Variants in CD163L1 observed in about 807,000 individuals in gnomAD.
CD163L1 encodes CD163 molecule like 1.
A neutral mutation model predicts 165.4 loss-of-function variants in CD163L1; 124 were observed. The ratio of observed to expected loss-of-function variants is 0.75; its 90% CI spans 0.65 to 0.87. The LOEUF is 0.87. Ranked by LOEUF, CD163L1 falls within the 40% of genes least tolerant of loss-of-function variation. CD163L1 has a pLI of 0.00. For synonymous variants in CD163L1, 585 were observed against 662.2 expected, an observed-to-expected ratio of 0.88 and a Z score of 1.79; for missense variants, 1,525 against 1,799.9, an observed-to-expected ratio of 0.85 and a Z score of 2.76.
chr12:7,397,837 T>C (rs1006740963), intron 7 of CD163L1, among the ~76,000 whole-genome samples: 4 of 152,126 alleles, frequency 2.6e-5, no homozygotes, highest in African/African-American at 9.7e-5. Flanking sequence ...ATTAAGGATG[T>C]GAGATAATGC....
the CD163L1 span, among the ~76,000 whole-genome samples, chr12:7,335,301 C>T: frequency 6.6e-6 from 1 of 152,054 alleles, no homozygotes; most frequent in Non-Finnish European, 1.5e-5. Flanking sequence ...GATATATAGA[C>T]CAATGGAACA....
intron 18 of CD163L1, among the ~76,000 whole-genome samples, chr12:7,358,694 C>T (rs972897764): frequency 6.6e-6 from 1 of 152,014 alleles, no homozygotes; most frequent in Non-Finnish European, 1.5e-5. Flanking sequence ...TGACTTTCTA[C>T]AAAATAATTA....
chr12:7,409,958 C>T (rs1370464233), intron 4 of CD163L1, among the ~76,000 whole-genome samples: 2 of 151,944 alleles, frequency 1.3e-5, no homozygotes, highest in Non-Finnish European at 2.9e-5. Context: ...GTGTGAATTA[C>T]CAGAAATAGA....
At chr12:7,439,359 T>G in intron 2 of CD163L1, 2 of 1,599,496 alleles carry the variant, frequency 1.3e-6, no homozygotes, top group East Asian at 4.5e-5. Flanking sequence ...TTTGGACTCC[T>G]TTAGTTCTTC....
intron 4 of CD163L1, among the ~76,000 whole-genome samples, chr12:7,407,652 C>T (rs147957205): frequency 0.012 from 1,834 of 150,944 alleles, 43 homozygotes; most frequent in African/African-American, 0.042. Context: ...TATATATATA[C>T]ACACACACAC....
At chr12:7,399,389 T>C (rs1394434712) in intron 6 of CD163L1, among the ~76,000 whole-genome samples, 1 of 25,848 alleles carries the variant, frequency 3.9e-5, no homozygotes, top group Non-Finnish European at 9.0e-5. Context: ...ACTTCTTTCT[T>C]TTTCTTTCTT....
chr12:7,386,617 A>G (rs113813202), intron 8 of CD163L1, among the ~76,000 whole-genome samples: 2 of 151,680 alleles, frequency 1.3e-5, no homozygotes, highest in Admixed American at 1.3e-4. Flanking sequence ...AAAAAAAAAA[A>G]AAAACAGTAT....
chr12:7,440,631 T>C, intron 2 of CD163L1, among the ~76,000 whole-genome samples: 1 of 1,222 alleles, frequency 8.2e-4, no homozygotes, highest in South Asian at 0.062. Flanking sequence ...TCTTTTTTCT[T>C]TTTTTTTTTT....
At chr12:7,361,702 T>G (rs890742397) in intron 18 of CD163L1, among the ~76,000 whole-genome samples, 13 of 152,156 alleles carry the variant, frequency 8.5e-5, no homozygotes, top group Middle Eastern at 3.2e-3. Context: ...AACAGAAAAT[T>G]TACCATCACG....
chr12:7,357,456 G>A lies in CD163L1; in HGVS notation c.4310C>T (p.Ala1437Val), dbSNP rs149438534. The stretch of plus-strand genomic sequence containing the variant: ...AACTCCCAACAGCGATGTGTCGCTA[G>A]CATCTTCACAACCATGGTTGGGGGT... ...DDTPNHGCED[A>V]SDTSLLGVLP... is the part of the protein sequence containing the mutation. Residue 1437 changes from alanine (A) to valine (V), a missense_variant, in exon 19 of 20, where the codon GCT becomes GTT. Physicochemically the swap from Ala to Val is moderately conservative, Grantham distance 64. Coordinates refer to ENST00000313599, the MANE Select transcript of CD163L1 (RefSeq NM_174941.6). The A allele has an allele frequency of 2.5e-6, 4 of 1,612,560 alleles. No individual in the cohort carries two copies. Among genetic ancestry groups the A allele is most frequent in the African/African-American group, 1.3e-5 (1 of 74,840 alleles).
At chr12:7,338,182 G>GC in the CD163L1 span, among the ~76,000 whole-genome samples, 1 of 152,112 alleles carries the variant, frequency 6.6e-6, no homozygotes, top group African/African-American at 2.4e-5. Context: ...AAGGGCAAGG[G>GC]GAGGAATAGC....
downstream of CD163L1, among the ~76,000 whole-genome samples, chr12:7,345,148 G>C (rs1312346943): frequency 9.2e-6 from 1 of 108,184 alleles, no homozygotes; most frequent in South Asian, 2.8e-4. Context: ...TTTTTTTTTT[G>C]CTCCACCACA....
intron 18 of CD163L1, among the ~76,000 whole-genome samples, chr12:7,366,917 G>A (rs1247780330): frequency 6.6e-6 from 1 of 152,098 alleles, no homozygotes; most frequent in Non-Finnish European, 1.5e-5. Flanking sequence ...ATTGTTTATT[G>A]GGTTTGTAAT....
intron 8 of CD163L1, among the ~76,000 whole-genome samples, chr12:7,382,977 T>C (rs1435959254): frequency 6.6e-6 from 1 of 152,112 alleles, no homozygotes; most frequent in Non-Finnish European, 1.5e-5. Flanking sequence ...TCCCCCATGA[T>C]AAAGAGAGCT....
chr12:7,441,087 G>T, intron 2 of CD163L1, 67 bp downstream of exon 2: 1 of 1,064,132 alleles, frequency 9.4e-7, no homozygotes, highest in Non-Finnish European at 1.5e-6. Context: ...TGCACTTAGG[G>T]TAGTGAGTAG....
chr12:7,437,381 AACGTGCAAG>A (rs776699261), intron 2 of CD163L1, among the ~76,000 whole-genome samples: 361 of 145,984 alleles, frequency 2.5e-3, no homozygotes, highest in African/African-American at 8.5e-3. Context: ...ACATGTGCAC[AACGTGCAAG>A]TTTGTTACAT....
intron 4 of CD163L1, among the ~76,000 whole-genome samples, chr12:7,421,049 G>GTATATATGTA (rs1198584213): frequency 1.4e-5 from 1 of 71,592 alleles, no homozygotes; most frequent in Non-Finnish European, 2.2e-5. Context: ...GTATATATAT[G>GTATATATGTA]TATATACGTA....
chr12:7,375,980 C>T lies in CD163L1; in HGVS notation c.2406G>A (p.Met802Ile). ...HRQPRLVGADMPCSGRVEVKH... is the reference protein window; with the variant it reads ...HRQPRLVGADIPCSGRVEVKH... The stretch of plus-strand genomic sequence containing the variant: ...TCACTTCAACACGTCCAGAGCAGGG[C>T]ATATCAGCTCCAACCAGCCTGGGCT... The change falls in exon 10 of 20, where the codon ATG becomes ATA. Residue 802 changes from methionine (M) to isoleucine (I), a missense_variant. Coordinates refer to ENST00000313599, the MANE Select transcript of CD163L1 (RefSeq NM_174941.6). 1 of 1,614,150 alleles carries T rather than the reference C, an allele frequency of 6.2e-7. No individual in the cohort carries two copies. Among genetic ancestry groups the T allele is most frequent in the Non-Finnish European group, 8.5e-7 (1 of 1,179,994 alleles).
At chr12:7,408,076 C>CATAT (rs34223603) in intron 4 of CD163L1, among the ~76,000 whole-genome samples, 184 of 142,938 alleles carry the variant, frequency 1.3e-3, no homozygotes, top group South Asian at 6.5e-3. Flanking sequence ...CTGAACACTA[C>CATAT]ATATATATAT....
Sources: gnomAD v4.1 joint callset for allele counts (sites outside exome capture counted in the v4.1 genomes callset) on GRCh38, gnomAD v4.1.1 for gene constraint, MANE v1.5 for transcripts, NCBI Gene and HGNC (gene_info 2026-07-23, HGNC 2026-07-21) for gene names.